Variants in DAP observed in about 807,000 individuals in gnomAD.
DAP encodes death-associated protein 1.
Under a neutral mutation model 13.8 loss-of-function variants are expected in DAP, and 8 were observed. The ratio of observed to expected loss-of-function variants is 0.58; its 90% CI spans 0.34 to 1.05. The LOEUF (loss-of-function observed/expected upper bound fraction) is 1.05. Among genes scored for constraint, DAP ranks in the 50% least tolerant of loss-of-function variants. DAP has a pLI of 0.03. For missense variants in DAP, 106 were observed against 133.2 expected (o/e 0.80, Z 1.01); for synonymous variants, 47 against 47.5 (o/e 0.99, Z 0.04).
chr5:10,735,417 A>T (rs1739582631), intron 2 of DAP, among the ~76,000 whole-genome samples: 1 of 152,238 alleles, frequency 6.6e-6, no homozygotes, highest in South Asian at 2.1e-4. Flanking sequence ...TCTCAAGGGT[A>T]TCTGGACCTT....
intron 1 of DAP, among the ~76,000 whole-genome samples, chr5:10,751,746 G>A (rs78577356): frequency 0.018 from 2,769 of 152,242 alleles, 61 homozygotes; most frequent in African/African-American, 0.059. Flanking sequence ...AAGAGACACC[G>A]GGTCGTGCAC....
chr5:10,703,557 AC>A (rs1220181216), intron 2 of DAP, among the ~76,000 whole-genome samples: 1 of 152,128 alleles, frequency 6.6e-6, no homozygotes, highest in Non-Finnish European at 1.5e-5. Context: ...AAAACTCTTT[AC>A]TCTAACAATT....
intron 2 of DAP, among the ~76,000 whole-genome samples, chr5:10,709,763 G>A (rs1010530783): frequency 2.6e-5 from 4 of 152,182 alleles, no homozygotes; most frequent in African/African-American, 7.2e-5. Flanking sequence ...TTGAAAATGC[G>A]GGCAATGGAC....
intron 2 of DAP, among the ~76,000 whole-genome samples, chr5:10,739,661 C>A (rs1579815649): frequency 6.6e-6 from 1 of 152,106 alleles, no homozygotes; most frequent in East Asian, 1.9e-4. Context: ...GCATTCATAT[C>A]CTAAGCCACT....
At chr5:10,726,118 T>C (rs1739282360) in intron 2 of DAP, among the ~76,000 whole-genome samples, 1 of 152,214 alleles carries the variant, frequency 6.6e-6, no homozygotes, top group Non-Finnish European at 1.5e-5. Flanking sequence ...TCAAAATAGA[T>C]TCAAGTCCCA....
chr5:10,692,082 A>C (rs1738322824), intron 2 of DAP, among the ~76,000 whole-genome samples: 3 of 152,210 alleles, frequency 2.0e-5, no homozygotes, highest in African/African-American at 7.2e-5. Flanking sequence ...ACTGAGTTTG[A>C]TGGTCTCATC....
intron 2 of DAP, among the ~76,000 whole-genome samples, chr5:10,714,939 G>A (rs549703726): frequency 8.7e-4 from 132 of 152,206 alleles, no homozygotes; most frequent in South Asian, 2.5e-3. Flanking sequence ...TTTCCTGTTC[G>A]GCCTGCAGAA....
At chr5:10,686,116 T>C (rs760130028) in intron 2 of DAP, among the ~76,000 whole-genome samples, 2 of 152,214 alleles carry the variant, frequency 1.3e-5, no homozygotes, top group African/African-American at 2.4e-5. Flanking sequence ...ACTACTGTAA[T>C]TGTTTTGGGG....
chr5:10,737,451 CAT>C (rs1287688210), intron 2 of DAP, among the ~76,000 whole-genome samples: 27 of 152,188 alleles, frequency 1.8e-4, no homozygotes, highest in East Asian at 3.9e-4. Flanking sequence ...TCTCCACACA[CAT>C]GGTAGAGAAC....
chr5:10,747,644 A>G (rs1739939036), intron 2 of DAP, among the ~76,000 whole-genome samples: 1 of 152,230 alleles, frequency 6.6e-6, no homozygotes, highest in South Asian at 2.1e-4. Context: ...CTGCCCAGAA[A>G]TTGTTAGTAT....
At chr5:10,720,547 T>C (rs181238334) in intron 2 of DAP, among the ~76,000 whole-genome samples, 20 of 152,354 alleles carry the variant, frequency 1.3e-4, no homozygotes, top group Admixed American at 1.2e-3. Flanking sequence ...ACTCAGCCTC[T>C]TTCCCCAGCC....
At chr5:10,728,999 C>G (rs1739368058) in intron 2 of DAP, among the ~76,000 whole-genome samples, 1 of 152,206 alleles carries the variant, frequency 6.6e-6, no homozygotes, top group Admixed American at 6.5e-5. Context: ...CAAAGAGTAT[C>G]AACTTTCTCA....
At chr5:10,750,208 A>T (rs1448244589) in intron 1 of DAP, among the ~76,000 whole-genome samples, 1 of 152,166 alleles carries the variant, frequency 6.6e-6, no homozygotes, top group African/African-American at 2.4e-5. Flanking sequence ...GACCCTGCCG[A>T]GTCACGAAAA....
rs1020341613 is a variant in DAP at position 10,686,132 on chromosome 5, C to T, written c.153-2561G>A. Among the ~76,000 whole-genome samples, 11 of 152,298 alleles carry T rather than the reference C, an allele frequency of 7.2e-5. No individual in the cohort carries two copies. The East Asian group carries it at 1.3e-3, about 19-fold the overall frequency. On this transcript the variant is annotated intron_variant, in intron 2 of 3. Transcript: ENST00000230895. ...CTACTGTAATTGTTTTGGGGCACCA[C>T]GAACCGTGCCCATATAAGATGGTAA...
intron 2 of DAP, among the ~76,000 whole-genome samples, chr5:10,694,014 G>A (rs1738372531): frequency 6.6e-6 from 1 of 152,128 alleles, no homozygotes; most frequent in South Asian, 2.1e-4. Context: ...AACCTTGCTT[G>A]GGGTCCTGGG....
chr5:10,735,802 T>C (rs971328383), intron 2 of DAP, among the ~76,000 whole-genome samples: 2 of 152,184 alleles, frequency 1.3e-5, no homozygotes, highest in African/African-American at 2.4e-5. Flanking sequence ...GTCATTGCTG[T>C]TGGAATGCCA....
At chr5:10,697,459 T>C (rs76503547) in intron 2 of DAP, among the ~76,000 whole-genome samples, 67 of 152,356 alleles carry the variant, frequency 4.4e-4, no homozygotes, top group African/African-American at 1.6e-3. Flanking sequence ...AGTCACTCTT[T>C]GGAATTTCAA....
chr5:10,748,217 T>A lies in DAP; in HGVS notation c.110A>T (p.Lys37Ile). The stretch of plus-strand genomic sequence containing the variant: ...CTGGTCATCCTTGTCTTTCTCTTCT[T>A]TGGTGTCTCCTGTATGTGGGTGTTT... ...VQKHPHTGDTKEEKDKDDQEW... is the reference protein window; with the variant it reads ...VQKHPHTGDTIEEKDKDDQEW... The change falls in exon 2 of 4, where the codon AAA becomes ATA. Residue 37 changes from lysine to isoleucine, a missense_variant. Coordinates refer to ENST00000230895, the MANE Select transcript of DAP (RefSeq NM_004394.3). The A allele has an allele frequency of 6.2e-7, 1 of 1,614,168 alleles. No homozygotes were observed. Among genetic ancestry groups the A allele is most frequent in the Non-Finnish European group, 8.5e-7 (1 of 1,179,986 alleles).
chr5:10,686,253 C>T (rs1263372342), intron 2 of DAP, among the ~76,000 whole-genome samples: 1 of 152,224 alleles, frequency 6.6e-6, no homozygotes, highest in African/African-American at 2.4e-5. Context: ...TTCCCTGAGA[C>T]ATAGCAATAT....
Sources: allele counts gnomAD v4.1 joint callset (sites outside exome capture counted in the v4.1 genomes callset), GRCh38; gene constraint gnomAD v4.1.1; transcripts MANE v1.5; gene names NCBI Gene and HGNC (gene_info 2026-07-23, HGNC 2026-07-21).